The following LIN52 variants were observed in gnomAD, a reference collection of about 807,000 sequenced individuals.
The protein encoded by LIN52 is protein lin-52 homolog.
Under a neutral mutation model 18.5 loss-of-function variants are expected in LIN52, and 4 were observed. That is an observed-to-expected ratio of 0.22 (90% CI 0.11 to 0.49). The LOEUF (loss-of-function observed/expected upper bound fraction) is 0.49. Ranked by LOEUF, LIN52 falls within the 20% of genes least tolerant of loss-of-function variation. The pLI, the probability that LIN52 is intolerant of heterozygous loss-of-function variation, is 0.97. For synonymous variants in LIN52, 34 were observed against 45.5 expected, an observed-to-expected ratio of 0.75 and a Z score of 1.02; for missense variants, 102 against 139.5, an observed-to-expected ratio of 0.73 and a Z score of 1.35.
chr14:74,151,488 T>A (rs1160863006), intron 5 of LIN52, among the ~76,000 whole-genome samples: 1 of 150,100 alleles, frequency 6.7e-6, no homozygotes, highest in Non-Finnish European at 1.5e-5. Context: ...GTGATTAGGA[T>A]GCAGTTGAGC....
chr14:74,159,570 T>C (rs1760131070), intron 5 of LIN52, among the ~76,000 whole-genome samples: 1 of 141,742 alleles, frequency 7.1e-6, no homozygotes, highest in African/African-American at 2.9e-5. Flanking sequence ...GGGGTTTGTT[T>C]TTTTTTTTTT....
chr14:74,186,226 A>G (rs1364801463), intron 5 of LIN52, among the ~76,000 whole-genome samples: 2 of 151,930 alleles, frequency 1.3e-5, no homozygotes, highest in Non-Finnish European at 2.9e-5. Context: ...CAGGAGGCGG[A>G]GGCTGCAGTG....
At chr14:74,113,261 G>C (rs2060941111) in intron 5 of LIN52, among the ~76,000 whole-genome samples, 1 of 152,016 alleles carries the variant, frequency 6.6e-6, no homozygotes. Flanking sequence ...GCGTGGTGGC[G>C]GGCGCCTGTA....
At chr14:74,166,675 AAT>A (rs1416746014) in intron 5 of LIN52, among the ~76,000 whole-genome samples, 3 of 152,206 alleles carry the variant, frequency 2.0e-5, no homozygotes, top group African/African-American at 7.2e-5. Flanking sequence ...AGGCTTTAGC[AAT>A]ATGTTGATCA....
intron 5 of LIN52, among the ~76,000 whole-genome samples, chr14:74,124,833 A>T (rs940569583): frequency 1.4e-5 from 2 of 147,834 alleles, no homozygotes; most frequent in African/African-American, 2.5e-5. Flanking sequence ...AAAAAAAAAA[A>T]GCTGAGAGGC....
In LIN52 at chr14:74,107,857, T is replaced by G. The variant is rs191467321; in HGVS notation, c.283+6619T>G. 7.2e-5 allele frequency among the ~76,000 whole-genome samples: 11 copies of G among 152,364 alleles called. 1 individual carries two copies. In the East Asian group the frequency reaches 1.3e-3, roughly 19 times the overall value. The stretch of plus-strand genomic sequence containing the variant: ...ACATTTGGTTTTTTTCTCTTTTTTT[T>G]GGGTAACAGCTTTATTGAGATGTAA... On this transcript the variant is annotated intron_variant, in intron 5 of 5. Transcript: ENST00000555028.
At chr14:74,090,424 C>T (rs1402096107) in intron 1 of LIN52, among the ~76,000 whole-genome samples, 1 of 152,034 alleles carries the variant, frequency 6.6e-6, no homozygotes, top group Non-Finnish European at 1.5e-5. Context: ...TAACCTCTGC[C>T]TCCCGGGTTT....
rs745462464 is a variant in LIN52 at position 74,101,175 on chromosome 14, G to A, written c.220G>A (p.Ala74Thr). 25 of 1,611,358 alleles carry A rather than the reference G, an allele frequency of 1.6e-5. No individual in the cohort carries two copies. The highest frequency in any genetic ancestry group is 2.0e-5 in the Non-Finnish European group (23 of 1,179,138). ...TTCAGAACTGGGGAGTCTCACCACG[G>A]CTAATTTGATGGAGAAGGTTCGAGG... ...MLKELGSLTT[A>T]NLMEKVRGLQ... Residue 74 changes from alanine (A) to threonine (T), a missense_variant, in exon 5 of 6, where the codon GCT becomes ACT. Transcript: ENST00000555028.
intron 5 of LIN52, among the ~76,000 whole-genome samples, chr14:74,179,086 A>G (rs1371497753): frequency 6.6e-6 from 1 of 152,060 alleles, no homozygotes; most frequent in Non-Finnish European, 1.5e-5. Flanking sequence ...CTCAAAAAAT[A>G]ATAATAATAC....
Position 74,100,411 on chromosome 14 carries a change from C to G in LIN52, c.200-744C>G, listed in dbSNP as rs551062872. Among the ~76,000 whole-genome samples the G allele has an allele frequency of 2.0e-5, 3 of 152,266 alleles. No individual in the cohort carries two copies. In the South Asian group the frequency reaches 6.2e-4, roughly 32 times the overall value. ...CAGCCTTGACCTCCTGGTGATCCTC[C>G]CATCCCAGCCTCCTGAGTAGCTGGG... is the stretch of plus-strand genomic sequence containing the variant. On this transcript the variant is annotated intron_variant, in intron 4 of 5. Transcript: ENST00000555028.
chr14:74,085,502 A>G (rs4899494), intron 1 of LIN52: 2,834 of 152,486 alleles, frequency 0.019, 57 homozygotes, highest in African/African-American at 0.051. Flanking sequence ...GTTTGGGACC[A>G]TTGCCGTGGC....
intron 5 of LIN52, among the ~76,000 whole-genome samples, chr14:74,195,554 G>GTGTGTT (rs1241809877): frequency 1.8e-5 from 1 of 54,162 alleles, no homozygotes; most frequent in East Asian, 4.6e-4. Context: ...GTGTGTGTGT[G>GTGTGTT]TATGTGTGTG....
intron 5 of LIN52, among the ~76,000 whole-genome samples, chr14:74,121,790 C>G (rs1175724948): frequency 6.7e-6 from 1 of 150,266 alleles, no homozygotes; most frequent in African/African-American, 2.5e-5. Flanking sequence ...GTGGCGCCAT[C>G]TCAACTCACT....
In LIN52 at chr14:74,094,321, G is replaced by A. The variant is rs1056513121; in HGVS notation, c.95-1627G>A. 2.0e-5 allele frequency among the ~76,000 whole-genome samples: 3 copies of A among 151,230 alleles called. 1 individual carries two copies. In the South Asian group the frequency reaches 6.3e-4, roughly 32 times the overall value. ...TGTCACCCAGGCTTTGTGCAGTGGCGTGATCACAGCTGACTGCAGCCTCAA... is the reference window on the plus strand; with the variant it reads ...TGTCACCCAGGCTTTGTGCAGTGGCATGATCACAGCTGACTGCAGCCTCAA... On this transcript the variant is annotated intron_variant, in intron 2 of 5. Coordinates refer to ENST00000555028, the MANE Select transcript of LIN52 (RefSeq NM_001024674.3).
intron 5 of LIN52, among the ~76,000 whole-genome samples, chr14:74,196,307 T>A (rs962244168): frequency 6.6e-6 from 1 of 152,218 alleles, no homozygotes; most frequent in Non-Finnish European, 1.5e-5. Context: ...ATTGTGTGGA[T>A]CTTTTAAAAT....
At chr14:74,128,447 A>G (rs1194709235) in intron 5 of LIN52, among the ~76,000 whole-genome samples, 1 of 152,204 alleles carries the variant, frequency 6.6e-6, no homozygotes, top group African/African-American at 2.4e-5. Flanking sequence ...ATTGGAAGGA[A>G]CAGTGCCTGG....
intron 5 of LIN52, among the ~76,000 whole-genome samples, chr14:74,193,335 G>A (rs1168420245): frequency 1.3e-5 from 2 of 151,908 alleles, no homozygotes; most frequent in South Asian, 2.1e-4. Context: ...GATCACTTGA[G>A]TCCAGGAGGT....
At chr14:74,145,425 A>T (rs1267326394) in intron 5 of LIN52, among the ~76,000 whole-genome samples, 1 of 152,226 alleles carries the variant, frequency 6.6e-6, no homozygotes. Context: ...TCTTCCTTAC[A>T]GTATGCCAGT....
Position 74,158,045 on chromosome 14 carries a change from CA to C in LIN52, c.284-40875del, listed in dbSNP as rs201719937. On this transcript the variant is annotated intron_variant, in intron 5 of 5. Coordinates refer to ENST00000555028, the MANE Select transcript of LIN52 (RefSeq NM_001024674.3). ...CTTTATAATTTAACTTTGTTTGCAG[CA>C]ATGGAGGAAACCTTTCTTGTTAAGA... is the stretch of plus-strand genomic sequence containing the variant. Among the ~76,000 whole-genome samples, 1,006 of 151,912 alleles carry C rather than the reference CA, an allele frequency of 6.6e-3. 4 individuals carry two copies. Among genetic ancestry groups the C allele is most frequent in the Non-Finnish European group, 0.011 (781 of 67,980 alleles).
Sources: gnomAD v4.1 joint callset for allele counts (sites outside exome capture counted in the v4.1 genomes callset) on GRCh38, gnomAD v4.1.1 for gene constraint, MANE v1.5 for transcripts, NCBI Gene and HGNC (gene_info 2026-07-23, HGNC 2026-07-21) for gene names.